Variants in ASB7 observed in about 807,000 individuals in gnomAD.
ASB7 encodes the protein ankyrin repeat and SOCS box protein 7.
A neutral mutation model predicts 32.5 loss-of-function variants in ASB7; 4 were observed. That is an observed-to-expected ratio of 0.12 (90% CI 0.06 to 0.28). The LOEUF (loss-of-function observed/expected upper bound fraction) is 0.28, where lower values mean the gene tolerates loss of function less well. ASB7 is among the 10% of genes least tolerant of loss of function. ASB7 has a pLI of 1.00. For synonymous variants in ASB7, 172 were observed against 155.6 expected, an observed-to-expected ratio of 1.11 and a Z score of -0.78; for missense variants, 181 against 407.1, an observed-to-expected ratio of 0.44 and a Z score of 4.78.
At chr15:100,623,742 A>G (rs2039812601) in intron 4 of ASB7, among the ~76,000 whole-genome samples, 1 of 152,218 alleles carries the variant, frequency 6.6e-6, no homozygotes. Flanking sequence ...TTAATACGGC[A>G]TCGGTGGGAC....
At chr15:100,643,477 C>CTTTTT (rs1172063471) in intron 5 of ASB7, among the ~76,000 whole-genome samples, 6 of 104,380 alleles carry the variant, frequency 5.7e-5, no homozygotes, top group Admixed American at 9.9e-5. Context: ...GTCCCTTCTT[C>CTTTTT]TTTTTTTTTT....
Position 100,637,027 on chromosome 15 carries a change from A to G in ASB7, c.817+6985A>G, listed in dbSNP as rs897394333. Among the ~76,000 whole-genome samples, 5 of 152,220 alleles carry G rather than the reference A, an allele frequency of 3.3e-5. No individual in the cohort carries two copies. In the East Asian group the frequency reaches 5.8e-4, roughly 18 times the overall value. Reference sequence around the variant, plus strand: ...GACACTCTCAGGAAAAGACATTCCAATTCCACTTAAGAATGTCCGTGATGA... The same window carrying G: ...GACACTCTCAGGAAAAGACATTCCAGTTCCACTTAAGAATGTCCGTGATGA... On this transcript the variant is annotated intron_variant, in intron 5 of 5. Transcript: ENST00000332783.
Position 100,616,370 on chromosome 15 carries a change from G to C in ASB7, c.211+3943G>C, listed in dbSNP as rs142556702. Among the ~76,000 whole-genome samples the C allele has an allele frequency of 2.9e-3, 442 of 152,164 alleles. 5 individuals are homozygous for C. The highest frequency in any genetic ancestry group is 0.01 in the African/African-American group (423 of 41,522). ...CTACATTTCAATGTAGGTGAATTAT[G>C]GTTTTCTTTAGCCTTATCGTTTGTG... On this transcript the variant is annotated intron_variant, in intron 4 of 5. Transcript: ENST00000332783.
At chr15:100,635,622 C>A (rs994902975) in intron 5 of ASB7, among the ~76,000 whole-genome samples, 1 of 152,188 alleles carries the variant, frequency 6.6e-6, no homozygotes, top group African/African-American at 2.4e-5. Flanking sequence ...GTGCATCCTG[C>A]AGCTTTCTCG....
At chr15:100,645,853 G>T in intron 5 of ASB7, 1 of 1,019,576 alleles carries the variant, frequency 9.8e-7, no homozygotes, top group South Asian at 1.3e-5. Context: ...ATGGTCCCAA[G>T]ATACGCTGCA....
At chr15:100,635,041 T>G (rs1022255597) in intron 5 of ASB7, among the ~76,000 whole-genome samples, 4 of 152,166 alleles carry the variant, frequency 2.6e-5, no homozygotes, top group African/African-American at 9.7e-5. Context: ...TGAGGCTTTT[T>G]ACCCTTTACG....
At chr15:100,626,332 T>C (rs2039836743) in intron 4 of ASB7, among the ~76,000 whole-genome samples, 1 of 152,108 alleles carries the variant, frequency 6.6e-6, no homozygotes, top group Non-Finnish European at 1.5e-5. Context: ...GAACAGACAA[T>C]TCACAAAACA....
intron 5 of ASB7, among the ~76,000 whole-genome samples, chr15:100,645,076 A>T (rs1487060233): frequency 6.6e-6 from 1 of 152,212 alleles, no homozygotes; most frequent in Non-Finnish European, 1.5e-5. Context: ...AAGCAAGTAC[A>T]ATGGATATGA....
intron 5 of ASB7, among the ~76,000 whole-genome samples, chr15:100,639,431 C>T (rs1325904532): frequency 6.6e-6 from 1 of 152,022 alleles, no homozygotes; most frequent in East Asian, 1.9e-4. Context: ...AGAAAGATCA[C>T]GACTCCTTTT....
intron 4 of ASB7, among the ~76,000 whole-genome samples, chr15:100,616,074 C>G (rs1315694967): frequency 6.6e-6 from 1 of 152,204 alleles, no homozygotes; most frequent in Non-Finnish European, 1.5e-5. Flanking sequence ...TATGTCCTTA[C>G]TGACCGGGCA....
At chr15:100,603,157 A>G in intron 1 of ASB7, 58 bp from the exon 2 acceptor site, 3 of 389,650 alleles carry the variant, frequency 7.7e-6, no homozygotes, top group Admixed American at 4.5e-5. Flanking sequence ...CCCTTTCCTG[A>G]GCTCCCCCCT....
At chr15:100,638,300 A>G (rs1260856351) in intron 5 of ASB7, 1 of 152,212 alleles carries the variant, frequency 6.6e-6, no homozygotes, top group African/African-American at 2.4e-5. Context: ...GTTTACTATC[A>G]TATTTACTAC....
chr15:100,635,543 C>T (rs948250692), intron 5 of ASB7, among the ~76,000 whole-genome samples: 1 of 152,150 alleles, frequency 6.6e-6, no homozygotes, highest in African/African-American at 2.4e-5. Context: ...GTTCCGGTCC[C>T]TGCAGTGCCC....
chr15:100,619,268 T>C (rs1333326402), intron 4 of ASB7, among the ~76,000 whole-genome samples: 2 of 152,194 alleles, frequency 1.3e-5, no homozygotes, highest in Non-Finnish European at 2.9e-5. Flanking sequence ...AGGAGCACTT[T>C]TGGTTTTAGG....
At chr15:100,625,006 C>T (rs1314922773) in intron 4 of ASB7, among the ~76,000 whole-genome samples, 1 of 152,170 alleles carries the variant, frequency 6.6e-6, no homozygotes, top group Non-Finnish European at 1.5e-5. Flanking sequence ...TAGAATAAAA[C>T]ATAAATACCT....
rs1030480746 is a variant in ASB7, at chr15:100,602,728, G to C, written c.-591G>C. 3 of 370,068 alleles carry C rather than the reference G, an allele frequency of 8.1e-6. No homozygotes were observed. Among genetic ancestry groups the C allele is most frequent in the African/African-American group, 6.3e-5 (3 of 47,722 alleles). The allele number at this position is 370,068 out of a possible 1,614,324, so 22.9% of individuals were successfully genotyped here. A position where few individuals can be genotyped will look rare whatever the true frequency, so the allele number is the denominator to read the frequency against. On this transcript the variant is annotated 5_prime_UTR_variant, in exon 1 of 6. Coordinates refer to ENST00000332783, the MANE Select transcript of ASB7 (RefSeq NM_198243.3). ...GACCTCGCCGTCCCGAGACCTCCTG[G>C]GTCCCTCCGTAGCTGGAAGCCTCCG...
intron 2 of ASB7, among the ~76,000 whole-genome samples, chr15:100,604,455 C>A (rs983104799): frequency 1.3e-5 from 2 of 152,154 alleles, no homozygotes; most frequent in Non-Finnish European, 1.5e-5. Flanking sequence ...ATTTTTGTTA[C>A]AAGGAAGTGC....
rs1213294331 is a variant in ASB7, at chr15:100,649,396, GACTTC to G, written c.*939_*943del. ...AATTTCCATCTGAAGCTATGTCTTT[GACTTC>G]ACTTTAAGCAGAAAATTTTGTACCC... is the stretch of plus-strand genomic sequence containing the variant. On this transcript the variant is annotated 3_prime_UTR_variant, in exon 6 of 6. Coordinates refer to ENST00000332783, the MANE Select transcript of ASB7 (RefSeq NM_198243.3). 5 of 152,068 alleles carry G rather than the reference GACTTC, an allele frequency of 3.3e-5. No homozygotes were observed. Among genetic ancestry groups the G allele is most frequent in the Admixed American group, 6.6e-5 (1 of 15,266 alleles). 9.4% of individuals were successfully genotyped at this position (152,068 alleles called of 1,614,324 possible). A position where few individuals can be genotyped will look rare whatever the true frequency, so the allele number is the denominator to read the frequency against.
chr15:100,610,425 G>A (rs1311794871), intron 3 of ASB7, among the ~76,000 whole-genome samples: 1 of 151,992 alleles, frequency 6.6e-6, no homozygotes, highest in African/African-American at 2.4e-5. Flanking sequence ...AACCCGGGAG[G>A]TGGAGGTTGC....
Sources: allele counts gnomAD v4.1 joint callset (sites outside exome capture counted in the v4.1 genomes callset), GRCh38; gene constraint gnomAD v4.1.1; transcripts MANE v1.5; gene names NCBI Gene and HGNC (gene_info 2026-07-23, HGNC 2026-07-21).